SND1: variants seen among roughly 807,000 people sequenced by gnomAD.
SND1 encodes the protein staphylococcal nuclease and tudor domain containing 1.
Under a neutral mutation model 121.7 loss-of-function variants are expected in SND1, and 38 were observed. That is an observed-to-expected ratio of 0.31 (90% CI 0.24 to 0.41). The LOEUF (loss-of-function observed/expected upper bound fraction) is 0.41. Among genes scored for constraint, SND1 ranks in the 10% least tolerant of loss-of-function variants. The pLI is 1.00. For synonymous variants in SND1, 401 were observed against 447.4 expected, an observed-to-expected ratio of 0.90 and a Z score of 1.31; for missense variants, 868 against 1,184.6, an observed-to-expected ratio of 0.73 and a Z score of 3.92.
intron 13 of SND1, among the ~76,000 whole-genome samples, chr7:127,892,376 G>A (rs899428990): frequency 6.6e-6 from 1 of 152,076 alleles, no homozygotes; most frequent in Non-Finnish European, 1.5e-5. Flanking sequence ...CAGTTTGCCT[G>A]TTGCTTTCAA....
At chr7:128,011,913 G>A (rs1803125554) in intron 16 of SND1, among the ~76,000 whole-genome samples, 1 of 152,134 alleles carries the variant, frequency 6.6e-6, no homozygotes, top group Non-Finnish European at 1.5e-5. Context: ...GGTAGTTGTT[G>A]GATCTGGATG....
Position 127,850,009 on chromosome 7 carries a change from T to G in SND1, c.1343+5585T>G, listed in dbSNP as rs140057386. ...CTTCGTGGATAGCGCTTACCTTTAA[T>G]GTATTTGTATGAACCAGACTATTAA... is the stretch of plus-strand genomic sequence containing the variant. On this transcript the variant is annotated intron_variant, in intron 12 of 23. Transcript: ENST00000354725. Among the ~76,000 whole-genome samples the G allele has an allele frequency of 1.9e-4, 29 of 152,344 alleles. No individual in the cohort carries two copies. The East Asian group carries it at 5.2e-3, about 27-fold the overall frequency.
At chr7:128,091,265 C>T (rs1372267792) in intron 22 of SND1, among the ~76,000 whole-genome samples, 1 of 152,162 alleles carries the variant, frequency 6.6e-6, no homozygotes, top group Admixed American at 6.5e-5. Context: ...GTCTGGAGTA[C>T]AATGGCACAG....
chr7:127,722,779 T>G (rs1235272628), intron 10 of SND1, among the ~76,000 whole-genome samples: 2 of 152,180 alleles, frequency 1.3e-5, no homozygotes, highest in Admixed American at 1.3e-4. Flanking sequence ...GATGGGTGAT[T>G]TGAATGTCTG....
intron 14 of SND1, among the ~76,000 whole-genome samples, chr7:127,924,713 C>G (rs986798129): frequency 2.6e-5 from 4 of 152,098 alleles, no homozygotes; most frequent in African/African-American, 7.2e-5. Flanking sequence ...TCCCACCTAC[C>G]CACCCAAATC....
intron 10 of SND1, among the ~76,000 whole-genome samples, chr7:127,772,476 T>C (rs1275360503): frequency 6.6e-6 from 1 of 152,182 alleles, no homozygotes; most frequent in Non-Finnish European, 1.5e-5. Context: ...TGTTCCCTTA[T>C]ACATGGTAAT....
intron 15 of SND1, among the ~76,000 whole-genome samples, chr7:127,988,879 T>C (rs962543438): frequency 6.6e-6 from 1 of 152,234 alleles, no homozygotes; most frequent in African/African-American, 2.4e-5. Flanking sequence ...TGAACACTTG[T>C]TTTAGCATTA....
chr7:127,885,476 A>G (rs1006014202), intron 12 of SND1, among the ~76,000 whole-genome samples: 1 of 152,134 alleles, frequency 6.6e-6, no homozygotes, highest in African/African-American at 2.4e-5. Context: ...AAGAGAGAAG[A>G]AAGTTAGTGG....
intron 15 of SND1, among the ~76,000 whole-genome samples, chr7:127,962,569 A>G (rs780429742): frequency 1.3e-5 from 2 of 152,194 alleles, no homozygotes; most frequent in Non-Finnish European, 2.9e-5. Context: ...AGGAATGCCC[A>G]TGTTTCCTAT....
chr7:127,682,717 A>G (rs1795749124), intron 1 of SND1, among the ~76,000 whole-genome samples: 1 of 152,178 alleles, frequency 6.6e-6, no homozygotes, highest in African/African-American at 2.4e-5. Context: ...TTATACTTAC[A>G]TGTGATGTTT....
At chr7:127,942,768 A>G (rs960699527) in intron 15 of SND1, among the ~76,000 whole-genome samples, 3 of 152,094 alleles carry the variant, frequency 2.0e-5, no homozygotes, top group African/African-American at 7.2e-5. Flanking sequence ...TTATTTCCCC[A>G]CTTTCTCCCT....
At chr7:127,661,897 C>T (rs1795318271) in intron 1 of SND1, among the ~76,000 whole-genome samples, 1 of 152,092 alleles carries the variant, frequency 6.6e-6, no homozygotes, top group South Asian at 2.1e-4. Context: ...GGGTAGATCA[C>T]TTGAGGTTAG....
At chr7:128,025,898 G>A (rs1803464907) in intron 16 of SND1, among the ~76,000 whole-genome samples, 1 of 151,876 alleles carries the variant, frequency 6.6e-6, no homozygotes, top group African/African-American at 2.4e-5. Flanking sequence ...TTGTCCATAG[G>A]ACTCTTTCCC....
Position 127,849,406 on chromosome 7 carries a change from A to G in SND1, c.1343+4982A>G, listed in dbSNP as rs534940482. Among the ~76,000 whole-genome samples, 5 of 152,344 alleles carry G rather than the reference A, an allele frequency of 3.3e-5. No homozygotes were observed. In the East Asian group the frequency reaches 9.6e-4, roughly 29 times the overall value. On this transcript the variant is annotated intron_variant, in intron 12 of 23. Coordinates refer to ENST00000354725, the MANE Select transcript of SND1 (RefSeq NM_014390.4). ...ACTCCTTGCTTATGCCTTTCTGCAT[A>G]TCACGTTTTCAAAGAAAAGTGTTAG... is the stretch of plus-strand genomic sequence containing the variant.
intron 1 of SND1, among the ~76,000 whole-genome samples, chr7:127,671,889 A>C (rs535227510): frequency 7.2e-5 from 11 of 152,338 alleles, no homozygotes; most frequent in African/African-American, 2.6e-4. Context: ...TTAAACAGTG[A>C]AATAAACAGT....
intron 10 of SND1, among the ~76,000 whole-genome samples, chr7:127,756,903 A>G (rs1364842635): frequency 6.6e-6 from 1 of 152,200 alleles, no homozygotes; most frequent in Non-Finnish European, 1.5e-5. Context: ...TGTATCTGCC[A>G]CTTTCTGAAA....
At chr7:128,064,154 G>A (rs1793275489) in intron 16 of SND1, among the ~76,000 whole-genome samples, 1 of 152,134 alleles carries the variant, frequency 6.6e-6, no homozygotes, top group Admixed American at 6.5e-5. Flanking sequence ...CTTTGAGGTA[G>A]GTAGCATTCA....
chr7:127,693,866 G>T (rs1213908257), intron 2 of SND1, among the ~76,000 whole-genome samples: 2 of 152,172 alleles, frequency 1.3e-5, no homozygotes, highest in Non-Finnish European at 2.9e-5. Context: ...TCAAGTGCCA[G>T]TGGCCACTGT....
chr7:127,794,893 G>A (rs1797986873), intron 10 of SND1, among the ~76,000 whole-genome samples: 1 of 152,236 alleles, frequency 6.6e-6, no homozygotes, highest in South Asian at 2.1e-4. Flanking sequence ...AGTAGTGCCA[G>A]AAGGGCATAG....
Sources: gnomAD v4.1 joint callset for allele counts (sites outside exome capture counted in the v4.1 genomes callset) on GRCh38, gnomAD v4.1.1 for gene constraint, MANE v1.5 for transcripts, NCBI Gene and HGNC (gene_info 2026-07-23, HGNC 2026-07-21) for gene names.